MYT1L: variants seen among roughly 807,000 people sequenced by gnomAD.
The protein encoded by MYT1L is myelin transcription factor 1 like.
MYT1L carries 12 observed loss-of-function variants against 126.7 expected under a neutral mutation model. That is an observed-to-expected ratio of 0.09 (90% CI 0.06 to 0.15). The LOEUF is 0.15. Ranked by LOEUF, MYT1L falls within the 10% of genes least tolerant of loss-of-function variation. MYT1L has a pLI of 1.00. For synonymous variants in MYT1L, 541 were observed against 604.2 expected, an observed-to-expected ratio of 0.90 and a Z score of 1.53; for missense variants, 979 against 1,585.2, an observed-to-expected ratio of 0.62 and a Z score of 6.49.
At chr2:2,199,673 G>A (rs1253722365) in intron 2 of MYT1L, among the ~76,000 whole-genome samples, 1 of 152,184 alleles carries the variant, frequency 6.6e-6, no homozygotes, top group Non-Finnish European at 1.5e-5. Context: ...TCTGTCTTTA[G>A]AGTTGGCTCC....
chr2:1,963,957 C>T (rs548898299), intron 8 of MYT1L, among the ~76,000 whole-genome samples: 8 of 152,344 alleles, frequency 5.3e-5, no homozygotes, highest in South Asian at 2.1e-4. Flanking sequence ...ATTCACAAGT[C>T]GGCTGTTTGG....
At chr2:2,283,383 C>T (rs1264556924) in intron 2 of MYT1L, among the ~76,000 whole-genome samples, 3 of 152,084 alleles carry the variant, frequency 2.0e-5, no homozygotes, top group Non-Finnish European at 2.9e-5. Flanking sequence ...GGCAGTTTGA[C>T]GTTAATGCAA....
chr2:1,950,298 C>T (rs2149307467), intron 8 of MYT1L, among the ~76,000 whole-genome samples: 2 of 152,274 alleles, frequency 1.3e-5, no homozygotes, highest in East Asian at 3.9e-4. Context: ...ATAAGAATAT[C>T]TATTTTTCCC....
intron 13 of MYT1L, among the ~76,000 whole-genome samples, chr2:1,908,585 T>C (rs2051432398): frequency 6.6e-6 from 1 of 152,144 alleles, no homozygotes; most frequent in Non-Finnish European, 1.5e-5. Context: ...CAGCAACAAA[T>C]TTCTCCCTAC....
intron 3 of MYT1L, among the ~76,000 whole-genome samples, chr2:2,062,068 A>G (rs969846802): frequency 1.2e-4 from 18 of 152,144 alleles, no homozygotes; most frequent in African/African-American, 4.1e-4. Context: ...CATCTAGGGG[A>G]ACAGGGAGGT....
At chr2:2,003,591 C>T (rs2062634397) in intron 4 of MYT1L, among the ~76,000 whole-genome samples, 1 of 152,190 alleles carries the variant, frequency 6.6e-6, no homozygotes, top group Non-Finnish European at 1.5e-5. Context: ...GGGGTGGGTG[C>T]CTTGGCACCT....
chr2:2,157,740 C>A (rs552808290), intron 3 of MYT1L, among the ~76,000 whole-genome samples: 12 of 152,284 alleles, frequency 7.9e-5, no homozygotes, highest in African/African-American at 2.6e-4. Flanking sequence ...GCATGGTTTG[C>A]TTTGCTCTCA....
chr2:1,903,377 C>T (rs1402926880), intron 13 of MYT1L, 83 bp from the exon 14 acceptor site: 6 of 1,133,316 alleles, frequency 5.3e-6, no homozygotes, highest in Non-Finnish European at 6.4e-6. Flanking sequence ...ACTAGAATAT[C>T]TTACTTTTTT....
intron 9 of MYT1L, among the ~76,000 whole-genome samples, chr2:1,927,815 A>G (rs1189837754): frequency 1.3e-5 from 2 of 152,258 alleles, no homozygotes; most frequent in East Asian, 3.8e-4. Context: ...TGTTACATAA[A>G]TAAATCAATA....
chr2:2,080,280 C>T (rs952662871), intron 3 of MYT1L, among the ~76,000 whole-genome samples: 3 of 151,938 alleles, frequency 2.0e-5, no homozygotes, highest in African/African-American at 7.3e-5. Flanking sequence ...CTTAAATACA[C>T]CACCAAAAAC....
At chr2:2,243,136 T>G (rs1390503197) in intron 2 of MYT1L, among the ~76,000 whole-genome samples, 1 of 152,090 alleles carries the variant, frequency 6.6e-6, no homozygotes, top group South Asian at 2.1e-4. Context: ...TGCCCTGAAG[T>G]TGGAAAACCA....
chr2:1,996,252 C>T (rs1238764864), intron 5 of MYT1L, among the ~76,000 whole-genome samples: 1 of 152,306 alleles, frequency 6.6e-6, no homozygotes, highest in Non-Finnish European at 1.5e-5. Context: ...CAGTGGGGGC[C>T]GCCCTGCCTC....
chr2:1,877,069 C>A (rs2047001150), intron 18 of MYT1L, among the ~76,000 whole-genome samples: 1 of 152,156 alleles, frequency 6.6e-6, no homozygotes, highest in Non-Finnish European at 1.5e-5. Context: ...AGCAGAAAAA[C>A]CCACTCCGCA....
At chr2:1,815,533 A>C (rs923330280) in intron 21 of MYT1L, among the ~76,000 whole-genome samples, 2 of 152,216 alleles carry the variant, frequency 1.3e-5, no homozygotes, top group African/African-American at 4.8e-5. Flanking sequence ...CTGTTGCGTG[A>C]ATAAAATAGG....
chr2:1,861,232 C>G (rs950262532), intron 18 of MYT1L, among the ~76,000 whole-genome samples: 1 of 152,136 alleles, frequency 6.6e-6, no homozygotes. Flanking sequence ...ACGGCCACTT[C>G]CTATCTCCCT....
intron 1 of MYT1L, among the ~76,000 whole-genome samples, chr2:2,322,672 C>T (rs946229585): frequency 2.0e-5 from 3 of 151,606 alleles, no homozygotes; most frequent in African/African-American, 7.3e-5. Flanking sequence ...AAGGGGCTTT[C>T]AGGGATCTCT....
chr2:2,263,690 A>C (rs1406395752), intron 2 of MYT1L, among the ~76,000 whole-genome samples: 1 of 152,100 alleles, frequency 6.6e-6, no homozygotes, highest in East Asian at 1.9e-4. Flanking sequence ...GGCTGAGTTC[A>C]TCCTGATATG....
chr2:1,839,128 C>T, intron 21 of MYT1L, 21 bp downstream of exon 21: 6 of 1,587,640 alleles, frequency 3.8e-6, no homozygotes, highest in Non-Finnish European at 5.2e-6. Flanking sequence ...CAGCCAGGGT[C>T]CCGCAGACGC....
intron 13 of MYT1L, among the ~76,000 whole-genome samples, chr2:1,905,528 A>G (rs551975887): frequency 1.1e-4 from 16 of 151,888 alleles, no homozygotes; most frequent in African/African-American, 3.9e-4. Flanking sequence ...TAATTTTTCT[A>G]TTTTTAGTGG....
Sources: allele counts gnomAD v4.1 joint callset (sites outside exome capture counted in the v4.1 genomes callset), GRCh38; gene constraint gnomAD v4.1.1; transcripts MANE v1.5; gene names NCBI Gene and HGNC (gene_info 2026-07-23, HGNC 2026-07-21).